The following TRPC5 variants were observed in gnomAD, a reference collection of about 807,000 sequenced individuals.
The protein encoded by TRPC5 is short transient receptor potential channel 5.
In TRPC5, 9 loss-of-function variants were observed where a neutral mutation model predicts 56.5. The ratio of observed to expected loss-of-function variants is 0.16; its 90% CI spans 0.10 to 0.28. The LOEUF (loss-of-function observed/expected upper bound fraction) is 0.28, where lower values mean the gene tolerates loss of function less well. Ranked by LOEUF, TRPC5 falls within the 10% of genes least tolerant of loss-of-function variation. TRPC5 has a pLI of 1.00. For synonymous variants in TRPC5, 282 were observed against 278.5 expected (o/e 1.01, Z -0.13); for missense variants, 469 against 748.9 (o/e 0.63, Z 4.36).
At chrX:112,048,397 ATC>A (rs1930120646) in intron 1 of TRPC5, among the ~76,000 whole-genome samples, 1 of 91,093 alleles carries the variant, frequency 1.1e-5, no homozygotes. Context: ...AAGACTCCGT[ATC>A]AAAAAAAAAA....
chrX:112,067,440 T>C (rs1930611461), intron 1 of TRPC5, among the ~76,000 whole-genome samples: 1 of 112,641 alleles, frequency 8.9e-6, no homozygotes, highest in African/African-American at 3.2e-5. Flanking sequence ...TATTTTGCCA[T>C]ATTGCTGGAC....
At chrX:112,042,129 G>A (rs755805808) in intron 1 of TRPC5, among the ~76,000 whole-genome samples, 12 of 111,491 alleles carry the variant, frequency 1.1e-4, no homozygotes, top group African/African-American at 3.6e-4. Flanking sequence ...AGCCTATGAC[G>A]AGACTGACAG....
At chrX:111,920,386 C>A (rs769291530) in intron 2 of TRPC5, among the ~76,000 whole-genome samples, 28 of 111,507 alleles carry the variant, frequency 2.5e-4, no homozygotes, top group African/African-American at 9.1e-4. Context: ...AAGAGCACCC[C>A]CCTTCAATTC....
At chrX:111,843,049 T>G (rs1257094805) in intron 6 of TRPC5, among the ~76,000 whole-genome samples, 1 of 112,934 alleles carries the variant, frequency 8.9e-6, no homozygotes, top group East Asian at 2.8e-4. Context: ...ACTACAGCTA[T>G]GCAAGATGTT....
rs1441755050 is a variant in TRPC5 at position 111,771,585 on chromosome X, C to T, written c.*4728G>A. Among the ~76,000 whole-genome samples, 2 of 111,259 alleles carry T rather than the reference C, an allele frequency of 1.8e-5. No individual in the cohort carries two copies. The highest frequency in any genetic ancestry group is 3.3e-5 in the African/African-American group (1 of 30,580). ...AAAGCTCTCACAAAGCACCCACTAA[C>T]ACCTCCTCTGGATCACCACACAAAA... On this transcript the variant is annotated 3_prime_UTR_variant, in exon 11 of 11. Coordinates refer to ENST00000262839, the MANE Select transcript of TRPC5 (RefSeq NM_012471.3).
In TRPC5 at chrX:111,777,111, C is replaced by G. The variant is rs769182437; in HGVS notation, c.2233-109G>C. ...CAGGTTTTTGCCTAGTAGCAAATCA[C>G]AAAACACCAGAAAAATCTGCCATTA... On this transcript the variant is annotated intron_variant, in intron 10 of 10. Coordinates refer to ENST00000262839, the MANE Select transcript of TRPC5 (RefSeq NM_012471.3). The G allele has an allele frequency of 3.6e-4, 200 of 553,810 alleles. No homozygotes were observed. The Middle Eastern group carries it at 6.5e-3, about 18-fold the overall frequency. The allele number at this position is 553,810 out of a possible 1,213,427, so 45.6% of individuals were successfully genotyped here.
intron 3 of TRPC5, among the ~76,000 whole-genome samples, chrX:111,880,926 G>A (rs1924181778): frequency 9.0e-6 from 1 of 111,427 alleles, no homozygotes; most frequent in African/African-American, 3.3e-5. Flanking sequence ...CCTCACAATG[G>A]AACTGATAAC....
intron 2 of TRPC5, among the ~76,000 whole-genome samples, chrX:111,944,303 TGAGAGAGA>T (rs774055316): frequency 8.1e-5 from 5 of 61,374 alleles, no homozygotes; most frequent in East Asian, 7.6e-4. Context: ...TGTGTGTGTG[TGAGAGAGA>T]GAGAGAGAGA....
intron 1 of TRPC5, among the ~76,000 whole-genome samples, chrX:111,972,471 G>A (rs912451929): frequency 2.7e-5 from 3 of 112,059 alleles, no homozygotes; most frequent in African/African-American, 9.7e-5. Flanking sequence ...ACTTTACTAC[G>A]TGAGTATGAG....
chrX:111,861,556 G>A (rs911172715), intron 3 of TRPC5, among the ~76,000 whole-genome samples: 1 of 111,752 alleles, frequency 8.9e-6, no homozygotes, highest in Non-Finnish European at 1.9e-5. Context: ...TTAATTACAC[G>A]TTATAATGGT....
chrX:111,778,888 A>T, intron 10 of TRPC5, 97 bp downstream of exon 10: 1 of 564,697 alleles, frequency 1.8e-6, no homozygotes, highest in Admixed American at 3.7e-5. Context: ...CTATATTGTA[A>T]GCAGATGAAA....
At chrX:111,950,004 T>C (rs1394922665) in intron 2 of TRPC5, among the ~76,000 whole-genome samples, 2 of 111,648 alleles carry the variant, frequency 1.8e-5, no homozygotes, top group Non-Finnish European at 3.8e-5. Context: ...TATATATTTA[T>C]ACAATGGAAT....
intron 1 of TRPC5, among the ~76,000 whole-genome samples, chrX:111,956,838 T>A (rs1927248844): frequency 9.0e-6 from 1 of 111,510 alleles, no homozygotes; most frequent in South Asian, 3.9e-4. Context: ...AATCAGCACC[T>A]CCACAGATGG....
chrX:111,915,082 C>T (rs1003085237), intron 2 of TRPC5, among the ~76,000 whole-genome samples: 4 of 110,088 alleles, frequency 3.6e-5, no homozygotes, highest in African/African-American at 1.3e-4. Flanking sequence ...TCTCTCTCTC[C>T]CCGCCACTTC....
intron 1 of TRPC5, among the ~76,000 whole-genome samples, chrX:112,005,507 C>G (rs1395783935): frequency 9.2e-6 from 1 of 108,654 alleles, no homozygotes; most frequent in African/African-American, 3.4e-5. Flanking sequence ...CAGGGTCCCT[C>G]TCCCAGACAT....
At chrX:111,870,309 G>A (rs1923707456) in intron 3 of TRPC5, among the ~76,000 whole-genome samples, 1 of 111,861 alleles carries the variant, frequency 8.9e-6, no homozygotes, top group Non-Finnish European at 1.9e-5. Context: ...CTCCCAGTGA[G>A]GTTTCAGGCA....
intron 1 of TRPC5, among the ~76,000 whole-genome samples, chrX:112,046,251 G>A (rs1443046577): frequency 1.0e-5 from 1 of 96,098 alleles, no homozygotes; most frequent in African/African-American, 3.8e-5. Flanking sequence ...GGATTATAAA[G>A]AGCTTGTTCA....
At chrX:112,063,034 T>G (rs1455395425) in intron 1 of TRPC5, among the ~76,000 whole-genome samples, 1 of 111,606 alleles carries the variant, frequency 9.0e-6, no homozygotes, top group African/African-American at 3.3e-5. Flanking sequence ...CGGTGGAAGG[T>G]AGGATGACTT....
intron 1 of TRPC5, among the ~76,000 whole-genome samples, chrX:111,999,716 G>A (rs111825411): frequency 0.06 from 6,702 of 111,667 alleles, 489 homozygotes; most frequent in African/African-American, 0.2. Context: ...CTGTAATCCC[G>A]GTACTTTGGG....
Sources: gnomAD v4.1 joint callset for allele counts (sites outside exome capture counted in the v4.1 genomes callset) on GRCh38, gnomAD v4.1.1 for gene constraint, MANE v1.5 for transcripts, NCBI Gene and HGNC (gene_info 2026-07-23, HGNC 2026-07-21) for gene names.